The following PTPMT1 variants were observed in gnomAD, a reference collection of about 807,000 sequenced individuals.
PTPMT1 encodes the protein phosphatidylglycerophosphatase and protein-tyrosine phosphatase 1.
PTPMT1 carries 12 observed loss-of-function variants against 17.8 expected under a neutral mutation model. The observed-to-expected ratio is 0.67, with a 90% CI of 0.43 to 1.09. PTPMT1 has a LOEUF of 1.09. Ranked by LOEUF, PTPMT1 falls within the 50% of genes least tolerant of loss-of-function variation. The pLI is 0.00. For synonymous variants in PTPMT1, 132 were observed against 116.8 expected (o/e 1.13, Z -0.84); for missense variants, 262 against 266.0 (o/e 0.99, Z 0.10).
chr11:47,567,564 T>C (rs541822141), intron 2 of PTPMT1, among the ~76,000 whole-genome samples: 44 of 143,054 alleles, frequency 3.1e-4, no homozygotes, highest in South Asian at 1.7e-3. Context: ...CTTTTCTTTT[T>C]TTTTTTTTTT....
At chr11:47,568,899 C>G (rs2153793029) in intron 2 of PTPMT1, among the ~76,000 whole-genome samples, 1 of 152,020 alleles carries the variant, frequency 6.6e-6, no homozygotes, top group Admixed American at 6.6e-5. Context: ...CCATGTTAGC[C>G]AGGCTGGTCT....
In PTPMT1 at chr11:47,572,686, A is replaced by G. The variant is rs2097251303; in HGVS notation, c.*1057A>G. The G allele has an allele frequency of 1.9e-6, 1 of 538,774 alleles. No homozygotes were observed. The highest frequency in any genetic ancestry group is 3.3e-6 in the Non-Finnish European group (1 of 303,356). The allele number at this position is 538,774 out of a possible 1,614,324, so 33.4% of individuals were successfully genotyped here. On this transcript the variant is annotated 3_prime_UTR_variant, in exon 4 of 4. Coordinates refer to ENST00000326674, the MANE Select transcript of PTPMT1 (RefSeq NM_175732.3). ...GGCTTGCTCTAAGCAAGCTGTGGTG[A>G]GGCACAGGATGACTAGGGAATGGCA...
At chr11:47,571,381 TCA>T in intron 3 of PTPMT1, 88 bp from the exon 4 acceptor site, 1 of 1,123,554 alleles carries the variant, frequency 8.9e-7, no homozygotes, top group Non-Finnish European at 1.3e-6. Context: ...AAATGAAATC[TCA>T]GAGTCCTTTA....
At chr11:47,568,141 A>C (rs907105667) in intron 2 of PTPMT1, among the ~76,000 whole-genome samples, 91 of 151,424 alleles carry the variant, frequency 6.0e-4, no homozygotes, top group African/African-American at 1.9e-3. Flanking sequence ...AGGATGGTCT[A>C]AATCTCCTGA....
At position 47,572,721 on chromosome 11, in the gene PTPMT1, C is replaced by G; in HGVS notation, c.*1092C>G. The G allele has an allele frequency of 1.7e-6, 1 of 591,220 alleles. No homozygotes were observed. Among genetic ancestry groups the G allele is most frequent in the Non-Finnish European group, 3.0e-6 (1 of 335,962 alleles). The allele number at this position is 591,220 out of a possible 1,614,324, so 36.6% of individuals were successfully genotyped here. On this transcript the variant is annotated 3_prime_UTR_variant, in exon 4 of 4. Transcript: ENST00000326674. ...TGACTAGGGAATGGCAGAGAACAGG[C>G]TGGCCTACTGTCAGTTCAAGCAACC...
chr11:47,569,103 C>T (rs188450824), intron 2 of PTPMT1, among the ~76,000 whole-genome samples: 7 of 152,150 alleles, frequency 4.6e-5, no homozygotes, highest in African/African-American at 1.7e-4. Flanking sequence ...GAACACTTTA[C>T]CTGCTGGTGT....
rs1416534356 is a variant in PTPMT1 at position 47,569,699 on chromosome 11, G to T, written c.256-1G>T. On this transcript the variant is annotated splice_acceptor_variant, in intron 2 of 3. Transcript: ENST00000326674. LOFTEE classifies it high-confidence loss of function. The stretch of plus-strand genomic sequence containing the variant: ...TTTCATACTGGTGGACCTGGTTCCA[G>T]GAGTGGAAGAGACTAGGAGTCGAGC... 1 of 1,602,648 alleles carries T rather than the reference G, an allele frequency of 6.2e-7. No homozygotes were observed. The highest frequency in any genetic ancestry group is 8.5e-7 in the Non-Finnish European group (1 of 1,173,768).
chr11:47,569,063 A>T (rs997607004), intron 2 of PTPMT1, among the ~76,000 whole-genome samples: 1 of 152,134 alleles, frequency 6.6e-6, no homozygotes, highest in Non-Finnish European at 1.5e-5. Flanking sequence ...TCTTGCAGCT[A>T]AATATTCAAG....
In PTPMT1 at chr11:47,571,791, A is replaced by C; in HGVS notation, c.*162A>C. 1 of 658,140 alleles carries C rather than the reference A, an allele frequency of 1.5e-6. No homozygotes were observed. The highest frequency in any genetic ancestry group is 2.6e-6 in the Non-Finnish European group (1 of 380,346). The allele number at this position is 658,140 out of a possible 1,614,324, so 40.8% of individuals were successfully genotyped here. A position where few individuals can be genotyped will look rare whatever the true frequency, so the allele number is the denominator to read the frequency against. On this transcript the variant is annotated 3_prime_UTR_variant, in exon 4 of 4. Coordinates refer to ENST00000326674, the MANE Select transcript of PTPMT1 (RefSeq NM_175732.3). ...CTGACTTGTTTTGTTTTCTTGAAATAACACTGTTGTGTGGCTAGAAAGGAA... is the reference window on the plus strand; with the variant it reads ...CTGACTTGTTTTGTTTTCTTGAAATCACACTGTTGTGTGGCTAGAAAGGAA...
rs377532877 is a variant in PTPMT1 at position 47,571,589 on chromosome 11, G to A, written c.566G>A (p.Arg189Gln). Residue 189 changes from arginine to glutamine, a missense_variant, in exon 4 of 4, where the codon CGG (arginine) becomes CAG (glutamine). Transcript: ENST00000326674. The part of the protein sequence containing the change: ...LKEFHKQITA[R>Q]ATKDGTFVIS... ...GAGTTCCACAAGCAGATTACTGCACGGGCAACAAAGGATGGGACTTTTGTC... is the reference window on the plus strand; with the variant it reads ...GAGTTCCACAAGCAGATTACTGCACAGGCAACAAAGGATGGGACTTTTGTC... 309 of 1,613,832 alleles carry A rather than the reference G, an allele frequency of 1.9e-4. No individual in the cohort carries two copies. Among genetic ancestry groups the A allele is most frequent in the Non-Finnish European group, 2.6e-4 (302 of 1,180,008 alleles).
At position 47,571,918 on chromosome 11, in the gene PTPMT1, G is replaced by A. The variant is rs892153190; in HGVS notation, c.*289G>A. ...AAGTATTTTAACAAAAATCTATTAT[G>A]TACCTAATATTGTGCCTAATAATAT... On this transcript the variant is annotated 3_prime_UTR_variant, in exon 4 of 4. Transcript: ENST00000326674. The A allele has an allele frequency of 7.7e-6, 2 of 258,138 alleles. No homozygotes were observed. The highest frequency in any genetic ancestry group is 4.5e-5 in the African/African-American group (2 of 44,584). The allele number at this position is 258,138 out of a possible 1,614,324, so 16.0% of individuals were successfully genotyped here.
At position 47,565,803 on chromosome 11, in the gene PTPMT1, C is replaced by G; in HGVS notation, c.174+7C>G. 6.3e-7 allele frequency: 1 copy of G among 1,586,392 alleles called. No homozygotes were observed. Among genetic ancestry groups the G allele is most frequent in the Non-Finnish European group, 8.6e-7 (1 of 1,167,546 alleles). On this transcript the variant is annotated splice_region_variant and intron_variant, in intron 1 of 3. Transcript: ENST00000326674. ...GCGGAGCTTGACGCGCCAGGTGAGCCGGGCCGGGGAGCCCGGGCCCCTGCC... is the reference window on the plus strand; with the variant it reads ...GCGGAGCTTGACGCGCCAGGTGAGCGGGGCCGGGGAGCCCGGGCCCCTGCC...
chr11:47,566,502 A>AAG (rs1167270585), intron 2 of PTPMT1, among the ~76,000 whole-genome samples: 2 of 152,092 alleles, frequency 1.3e-5, no homozygotes, highest in East Asian at 3.9e-4. Context: ...AAAAAAAAAA[A>AAG]AAAAAAGTGG....
chr11:47,570,027 C>G, intron 3 of PTPMT1, 136 bp downstream of exon 3: 2 of 659,106 alleles, frequency 3.0e-6, no homozygotes, highest in Non-Finnish European at 5.2e-6. Context: ...ACCGTCTCTA[C>G]AAAAAATACA....
chr11:47,566,322 A>C (rs904816481), intron 2 of PTPMT1, among the ~76,000 whole-genome samples: 3 of 152,068 alleles, frequency 2.0e-5, no homozygotes, highest in Non-Finnish European at 4.4e-5. Context: ...CGTCCCTACA[A>C]AAATACAAAA....
In PTPMT1 at chr11:47,573,261, TTGTC is replaced by T; in HGVS notation, c.*1638_*1641del. ...CAGCACATAGGGCTTCACATGGCAT[TTGTC>T]TGTCTCTGTGTCAAAGCACTGGATG... On this transcript the variant is annotated 3_prime_UTR_variant, in exon 4 of 4. Transcript: ENST00000326674. The surrounding 1 kb of genome is among the most constrained non-coding windows in gnomAD (Gnocchi z 4.1). 6.2e-7 allele frequency: 1 copy of T among 1,614,090 alleles called. No individual in the cohort carries two copies. The highest frequency in any genetic ancestry group is 8.5e-7 in the Non-Finnish European group (1 of 1,180,014).
chr11:47,573,447 GC>G lies in PTPMT1; in HGVS notation c.*1819del. ...ATCACCTACGCGATAATAAATGACTGCGTTGGAGAGGGTATCTTGCAGTGTC... is the reference window on the plus strand; with the variant it reads ...ATCACCTACGCGATAATAAATGACTGGTTGGAGAGGGTATCTTGCAGTGTC... On this transcript the variant is annotated 3_prime_UTR_variant, in exon 4 of 4. Transcript: ENST00000326674. This position sits in a 1 kb window ranked among gnomAD's most constrained non-coding sequence, Gnocchi z 4.1. The G allele has an allele frequency of 3.1e-6, 5 of 1,614,198 alleles. No individual in the cohort carries two copies. Among genetic ancestry groups the G allele is most frequent in the Non-Finnish European group, 4.2e-6 (5 of 1,180,032 alleles).
chr11:47,565,667 C>T lies in PTPMT1; in HGVS notation c.45C>T (p.Leu15=), dbSNP rs768016264. Residue 15 remains leucine, a synonymous_variant, in exon 1 of 4, where the codon CTC becomes CTT. Transcript: ENST00000326674. ...TGGAGGCCGGCCTGGCGCGGGTGCTCTTCTACCCGACGCTGCTCTACACCC... is the reference window on the plus strand; with the variant it reads ...TGGAGGCCGGCCTGGCGCGGGTGCTTTTCTACCCGACGCTGCTCTACACCC... ...ALLEAGLARV[L]FYPTLLYTLF... is the part of the protein sequence containing the mutation. The T allele has an allele frequency of 1.2e-5, 17 of 1,438,568 alleles. No individual in the cohort carries two copies. The highest frequency in any genetic ancestry group is 3.0e-5 in the African/African-American group (2 of 66,852). 89.1% of individuals were successfully genotyped at this position (1,438,568 alleles called of 1,614,324 possible).
intron 2 of PTPMT1, among the ~76,000 whole-genome samples, chr11:47,566,430 CCGA>C (rs2097244460): frequency 6.6e-6 from 1 of 150,536 alleles, no homozygotes; most frequent in Non-Finnish European, 1.5e-5. Flanking sequence ...TTGCAGTGAG[CCGA>C]CATCTCGCCA....
Sources: gnomAD v4.1 joint callset for allele counts (sites outside exome capture counted in the v4.1 genomes callset) on GRCh38, gnomAD v4.1.1 for gene constraint, Gnocchi (gnomAD v3.1) non-coding constraint, MANE v1.5 for transcripts, NCBI Gene and HGNC (gene_info 2026-07-23, HGNC 2026-07-21) for gene names.